DLC1: variants seen among roughly 807,000 people sequenced by gnomAD.
DLC1 encodes the protein rho GTPase-activating protein 7.
In DLC1, 54 loss-of-function variants were observed where a neutral mutation model predicts 140.3. The ratio of observed to expected loss-of-function variants is 0.38; its 90% confidence interval spans 0.31 to 0.48. The LOEUF is 0.48. Ranked by LOEUF, DLC1 falls within the 20% of genes least tolerant of loss-of-function variation. DLC1 has a pLI of 0.96. For synonymous variants in DLC1, 986 were observed against 728.1 expected, an observed-to-expected ratio of 1.35 and a Z score of -5.70; for missense variants, 2,536 against 1,907.0, an observed-to-expected ratio of 1.33 and a Z score of -6.14.
intron 2 of DLC1, among the ~76,000 whole-genome samples, chr8:13,450,027 C>T (rs1379939390): frequency 1.3e-5 from 2 of 151,120 alleles, no homozygotes; most frequent in Non-Finnish European, 2.9e-5. Context: ...ATAGTATGCA[C>T]CATTAAAATT....
chr8:13,587,450 A>G (rs984484836), intron 1 of DLC1, among the ~76,000 whole-genome samples: 1 of 151,642 alleles, frequency 6.6e-6, no homozygotes, highest in African/African-American at 2.4e-5. Flanking sequence ...TACATGTACG[A>G]TTCTCTTTTT....
rs752417245 is a variant in DLC1, at chr8:13,092,839, G to T, written c.3527-14C>A. The T allele has an allele frequency of 2.2e-5, 35 of 1,606,416 alleles. 1 individual carries two copies. The highest frequency in any genetic ancestry group is 1.7e-4 in the Middle Eastern group (1 of 5,918). On this transcript the variant is annotated splice_polypyrimidine_tract_variant and intron_variant, in intron 12 of 17. Transcript: ENST00000276297. ...CCTTGGGCACATCTGCACGACACCAGCACTTTCTCCATCAGCTTGGTGAAT... is the reference window on the plus strand; with the variant it reads ...CCTTGGGCACATCTGCACGACACCATCACTTTCTCCATCAGCTTGGTGAAT...
At chr8:13,312,386 A>AAAAAAAAAAATAATAATAAT (rs71207139) in intron 4 of DLC1, among the ~76,000 whole-genome samples, 10 of 81,680 alleles carry the variant, frequency 1.2e-4, no homozygotes, top group African/African-American at 4.5e-4. Flanking sequence ...AAAAAAAAAA[A>AAAAAAAAAAATAATAATAAT]AATAATTTCT....
chr8:13,298,956 T>A (rs192042981), intron 5 of DLC1, among the ~76,000 whole-genome samples: 28 of 152,292 alleles, frequency 1.8e-4, no homozygotes, highest in Middle Eastern at 3.4e-3. Flanking sequence ...ATTTGTGAAG[T>A]GTTCTTTGAT....
At chr8:13,351,885 A>G (rs1441718250) in intron 4 of DLC1, among the ~76,000 whole-genome samples, 1 of 151,726 alleles carries the variant, frequency 6.6e-6, no homozygotes, top group Non-Finnish European at 1.5e-5. Flanking sequence ...ATTGTCATGA[A>G]TATAATAACA....
chr8:13,550,972 A>G lies in DLC1; in HGVS notation c.-125-50776T>C, dbSNP rs1476160097. On this transcript the variant is annotated intron_variant, in intron 1 of 1. Coordinates refer to the DLC1 transcript ENST00000631382. ...ATGTTTTTCTCTTGCAAGAATTCTC[A>G]GTGAGTTTACTCTACCAATGTGTAT... is the stretch of plus-strand genomic sequence containing the variant. 2.0e-5 allele frequency among the ~76,000 whole-genome samples: 3 copies of G among 151,730 alleles called. No individual in the cohort carries two copies. In the Admixed American group the frequency reaches 2.0e-4, roughly 10 times the overall value.
chr8:13,319,738 T>G (rs1185903726), intron 4 of DLC1, among the ~76,000 whole-genome samples: 1 of 151,850 alleles, frequency 6.6e-6, no homozygotes, highest in Non-Finnish European at 1.5e-5. Flanking sequence ...TATCGGGTAG[T>G]TCTTTATAAC....
chr8:13,580,089 C>A (rs932361940), intron 1 of DLC1, among the ~76,000 whole-genome samples: 1 of 151,418 alleles, frequency 6.6e-6, no homozygotes, highest in Non-Finnish European at 1.5e-5. Flanking sequence ...TTCTCATATG[C>A]CAATTATCAG....
At chr8:13,569,544 A>G (rs1457857090) in intron 1 of DLC1, among the ~76,000 whole-genome samples, 2 of 152,122 alleles carry the variant, frequency 1.3e-5, no homozygotes, top group East Asian at 3.9e-4. Context: ...TTCCCTTTAG[A>G]ATTCCCCCAT....
chr8:13,196,665 C>T (rs991869279), intron 5 of DLC1, among the ~76,000 whole-genome samples: 1 of 152,228 alleles, frequency 6.6e-6, no homozygotes, highest in African/African-American at 2.4e-5. Context: ...TCCAGGGAAA[C>T]CTTGATCATC....
intron 5 of DLC1, among the ~76,000 whole-genome samples, chr8:13,152,024 A>C (rs754222881): frequency 1.5e-4 from 23 of 152,130 alleles, no homozygotes; most frequent in Non-Finnish European, 2.5e-4. Context: ...CATATTATGG[A>C]TTGCCCATTT....
intron 5 of DLC1, among the ~76,000 whole-genome samples, chr8:13,158,090 C>T (rs759510218): frequency 4.6e-5 from 7 of 152,156 alleles, no homozygotes; most frequent in African/African-American, 1.7e-4. Flanking sequence ...AAACTCAAGA[C>T]AGCTTTTTTT....
intron 4 of DLC1, among the ~76,000 whole-genome samples, chr8:13,322,281 G>A (rs1833156281): frequency 3.9e-5 from 6 of 152,104 alleles, no homozygotes; most frequent in Admixed American, 3.3e-4. Flanking sequence ...CAATATATCA[G>A]TTGCTAAAAT....
At chr8:13,581,314 C>T (rs750029778) in intron 1 of DLC1, among the ~76,000 whole-genome samples, 3 of 152,174 alleles carry the variant, frequency 2.0e-5, no homozygotes, top group Non-Finnish European at 4.4e-5. Flanking sequence ...AAAAACGGAA[C>T]CATTTGCTTC....
At chr8:13,553,191 C>T (rs1391027789) in intron 1 of DLC1, among the ~76,000 whole-genome samples, 1 of 122,426 alleles carries the variant, frequency 8.2e-6, no homozygotes, top group Non-Finnish European at 1.7e-5. Context: ...TTGACAAATA[C>T]CTGCCAGCTG....
intron 1 of DLC1, among the ~76,000 whole-genome samples, chr8:13,502,195 T>A (rs972104446): frequency 6.6e-6 from 1 of 152,206 alleles, no homozygotes; most frequent in Non-Finnish European, 1.5e-5. Flanking sequence ...GGTAAGTATT[T>A]CTGTCAAATC....
intron 5 of DLC1, among the ~76,000 whole-genome samples, chr8:13,181,493 C>A (rs1323158628): frequency 2.0e-5 from 3 of 150,418 alleles, no homozygotes; most frequent in Admixed American, 6.6e-5. Context: ...CCCAGCCCCC[C>A]ACCCCATGTC....
intron 5 of DLC1, among the ~76,000 whole-genome samples, chr8:13,202,515 T>C (rs1157566787): frequency 6.6e-6 from 1 of 152,192 alleles, no homozygotes; most frequent in East Asian, 1.9e-4. Context: ...CTTTCTACCA[T>C]CTCTGCAGAA....
rs183497555 is a variant in DLC1, at chr8:13,294,690, C to T, written c.1348+10579G>A. On this transcript the variant is annotated intron_variant, in intron 5 of 17. Transcript: ENST00000276297. ...GAAAAGGAAGGGTAAGGCCAGATTACGGAAAAAATTTATTCATCAGCCTGA... is the reference window on the plus strand; with the variant it reads ...GAAAAGGAAGGGTAAGGCCAGATTATGGAAAAAATTTATTCATCAGCCTGA... Among the ~76,000 whole-genome samples, 16 of 151,758 alleles carry T rather than the reference C, an allele frequency of 1.1e-4. No homozygotes were observed. In the East Asian group the frequency reaches 1.2e-3, roughly 11 times the overall value.
Sources: allele counts gnomAD v4.1 joint callset (sites outside exome capture counted in the v4.1 genomes callset), GRCh38; gene constraint gnomAD v4.1.1; transcripts MANE v1.5; gene names NCBI Gene and HGNC (gene_info 2026-07-23, HGNC 2026-07-21).